Variants in UBE2W observed in about 807,000 individuals in gnomAD.
UBE2W encodes the protein ubiquitin conjugating enzyme E2 W.
UBE2W carries 18 observed loss-of-function variants against 27.2 expected under a neutral mutation model. The ratio of observed to expected loss-of-function variants is 0.66; its 90% CI spans 0.46 to 0.98. The LOEUF is 0.98. UBE2W is among the 50% of genes least tolerant of loss of function. UBE2W has a pLI of 0.00. For missense variants in UBE2W, 90 were observed against 180.2 expected, an observed-to-expected ratio of 0.50 and a Z score of 2.87; for synonymous variants, 53 against 57.2, an observed-to-expected ratio of 0.93 and a Z score of 0.33.
chr8:73,821,605 G>A (rs1809618956), intron 3 of UBE2W, among the ~76,000 whole-genome samples: 1 of 143,232 alleles, frequency 7.0e-6, no homozygotes, highest in Admixed American at 7.3e-5. Context: ...TATGTAACCA[G>A]TGAGATAACT....
chr8:73,810,777 T>TCC, intron 3 of UBE2W, 148 bp from the exon 4 acceptor site: 1 of 535,560 alleles, frequency 1.9e-6, no homozygotes. Flanking sequence ...TGCTTATTTG[T>TCC]TTACTCTCAT....
chr8:73,866,290 A>AATATATATATATATATATATATATATAT (rs71269958), intron 1 of UBE2W, among the ~76,000 whole-genome samples: 1 of 43,090 alleles, frequency 2.3e-5, no homozygotes, highest in Admixed American at 2.9e-4. Context: ...AAAAAAAAAA[A>AATATATATATATATATATATATATATAT]ATATATATAT....
intron 2 of UBE2W, among the ~76,000 whole-genome samples, chr8:73,830,074 A>C (rs1468634166): frequency 6.6e-6 from 1 of 151,440 alleles, no homozygotes; most frequent in East Asian, 1.9e-4. Context: ...CACACCAAAC[A>C]GTTCTTTAAT....
In UBE2W at chr8:73,826,267, C is replaced by A. The variant is rs182504115; in HGVS notation, c.108-1018G>T. Among the ~76,000 whole-genome samples the A allele has an allele frequency of 2.9e-3, 444 of 152,150 alleles. 5 individuals are homozygous for A. The highest frequency in any genetic ancestry group is 3.7e-3 in the Non-Finnish European group (253 of 67,990). ...GTTTATATACTATTCTTGTTATTTT[C>A]TTTAAGATGGGAAGAATAAGGGATA... On this transcript the variant is annotated intron_variant, in intron 2 of 5. Coordinates refer to ENST00000602593, the MANE Select transcript of UBE2W (RefSeq NM_018299.6).
intron 1 of UBE2W, among the ~76,000 whole-genome samples, chr8:73,844,888 AAGTGAGG>A (rs535413365): frequency 6.3e-4 from 95 of 149,818 alleles, no homozygotes; most frequent in African/African-American, 2.3e-3. Flanking sequence ...CCCGTCTGAG[AAGTGAGG>A]AGCCCCTCCG....
chr8:73,809,108 C>G (rs527421133), intron 4 of UBE2W, among the ~76,000 whole-genome samples: 14 of 152,208 alleles, frequency 9.2e-5, no homozygotes, highest in Admixed American at 9.2e-4. Context: ...TTGCCCTACA[C>G]ATAAAAGTTT....
intron 1 of UBE2W, among the ~76,000 whole-genome samples, chr8:73,866,282 A>ATAT (rs1811756629): frequency 1.0e-5 from 1 of 100,416 alleles, no homozygotes; most frequent in African/African-American, 3.8e-5. Context: ...AAAAAAAAAA[A>ATAT]AAAAAAAAAT....
intron 1 of UBE2W, chr8:73,870,195 A>G: frequency 6.8e-7 from 1 of 1,467,560 alleles, no homozygotes; most frequent in Non-Finnish European, 9.3e-7. Context: ...GTCAAAATGG[A>G]CTTTAATAGC....
intron 1 of UBE2W, among the ~76,000 whole-genome samples, chr8:73,844,455 G>T (rs1415237526): frequency 1.3e-5 from 2 of 152,214 alleles, no homozygotes; most frequent in Non-Finnish European, 2.9e-5. Context: ...AGTGCTCAAT[G>T]TTGCCCTGGC....
intron 1 of UBE2W, among the ~76,000 whole-genome samples, chr8:73,844,899 C>A (rs953308072): frequency 1.1e-4 from 17 of 151,258 alleles, no homozygotes; most frequent in Admixed American, 2.0e-4. Flanking sequence ...AGTGAGGAGC[C>A]CCTCCGCCCG....
downstream of UBE2W, among the ~76,000 whole-genome samples, chr8:73,784,149 T>C (rs1317945061): frequency 2.6e-5 from 4 of 152,152 alleles, no homozygotes. Context: ...GCCCTCATCT[T>C]CACTCTCCCA....
At chr8:73,805,906 A>G (rs1356650342) in intron 4 of UBE2W, among the ~76,000 whole-genome samples, 180 bp from the exon 5 acceptor site, 1 of 152,192 alleles carries the variant, frequency 6.6e-6, no homozygotes, top group Non-Finnish European at 1.5e-5. Flanking sequence ...TAACACCTAA[A>G]TTTAAAAAAG....
chr8:73,865,056 C>G (rs938316135), intron 1 of UBE2W, among the ~76,000 whole-genome samples: 59 of 151,552 alleles, frequency 3.9e-4, no homozygotes, highest in Admixed American at 3.9e-3. Context: ...AAATTACCAA[C>G]AAAAAGCACA....
At chr8:73,875,981 A>T (rs1303884925) in intron 1 of UBE2W, among the ~76,000 whole-genome samples, 1 of 152,084 alleles carries the variant, frequency 6.6e-6, no homozygotes, top group Non-Finnish European at 1.5e-5. Flanking sequence ...GAACCCTGGG[A>T]GCGGAGGTTG....
chr8:73,877,022 C>A (rs1365609269), intron 1 of UBE2W, among the ~76,000 whole-genome samples: 1 of 152,212 alleles, frequency 6.6e-6, no homozygotes, highest in Non-Finnish European at 1.5e-5. Flanking sequence ...CAACCTCTCT[C>A]TTACAAACAA....
chr8:73,829,119 C>T (rs765900312), intron 2 of UBE2W, among the ~76,000 whole-genome samples: 19 of 152,132 alleles, frequency 1.2e-4, no homozygotes, highest in Admixed American at 9.2e-4. Flanking sequence ...GGTATTGTTG[C>T]TTTGGCTGTT....
At chr8:73,804,010 C>T (rs1808760715) in intron 5 of UBE2W, among the ~76,000 whole-genome samples, 1 of 151,974 alleles carries the variant, frequency 6.6e-6, no homozygotes, top group Non-Finnish European at 1.5e-5. Context: ...TCGTGATCCA[C>T]CCACCTCAGC....
At chr8:73,822,400 T>C (rs1809652618) in intron 3 of UBE2W, among the ~76,000 whole-genome samples, 1 of 151,826 alleles carries the variant, frequency 6.6e-6, no homozygotes, top group Non-Finnish European at 1.5e-5. Flanking sequence ...ACCAATCAGA[T>C]AGTAAAGAGA....
rs143507018 is a variant in UBE2W at position 73,815,232 on chromosome 8, G to A, written c.211-4603C>T. On this transcript the variant is annotated intron_variant, in intron 3 of 5. Transcript: ENST00000602593. The stretch of plus-strand genomic sequence containing the variant: ...TCTCTAAAAAAAATAGTAACTAGCC[G>A]CATGTGGTGGCATGCTCCTGTAGTC... Among the ~76,000 whole-genome samples the A allele has an allele frequency of 2.8e-3, 426 of 152,156 alleles. 1 individual carries two copies. The highest frequency in any genetic ancestry group is 4.2e-3 in the Non-Finnish European group (289 of 68,002).
Sources: gnomAD v4.1 joint callset for allele counts (sites outside exome capture counted in the v4.1 genomes callset) on GRCh38, gnomAD v4.1.1 for gene constraint, MANE v1.5 for transcripts, NCBI Gene and HGNC (gene_info 2026-07-23, HGNC 2026-07-21) for gene names.